Variants in MAF observed in about 807,000 individuals in gnomAD.
MAF encodes transcription factor Maf.
In MAF, 10 loss-of-function variants were observed where a neutral mutation model predicts 22.0. The ratio of observed to expected loss-of-function variants is 0.45; its 90% confidence interval spans 0.28 to 0.77. The LOEUF is 0.77. MAF is among the 30% of genes least tolerant of loss of function. MAF has a pLI of 0.12. For synonymous variants in MAF, 337 were observed against 255.8 expected, an observed-to-expected ratio of 1.32 and a Z score of -3.03; for missense variants, 544 against 548.4, an observed-to-expected ratio of 0.99 and a Z score of 0.08.
the MAF span, among the ~76,000 whole-genome samples, chr16:79,568,857 G>A: frequency 6.6e-6 from 1 of 152,066 alleles, no homozygotes; most frequent in South Asian, 2.1e-4. Flanking sequence ...GCACTTCTAG[G>A]GGCTTTACGT....
At chr16:79,288,699 G>A in the MAF span, among the ~76,000 whole-genome samples, 10 of 152,136 alleles carry the variant, frequency 6.6e-5, no homozygotes, top group Non-Finnish European at 1.5e-4. Flanking sequence ...GGAAAGGAAG[G>A]ACATTCCAGG....
At chr16:79,488,734 T>C in the MAF span, among the ~76,000 whole-genome samples, 4 of 152,300 alleles carry the variant, frequency 2.6e-5, no homozygotes, top group East Asian at 7.7e-4. Context: ...TCTTGCTATG[T>C]CAGAGGCACC....
At chr16:79,448,345 G>A in the MAF span, among the ~76,000 whole-genome samples, 1 of 150,736 alleles carries the variant, frequency 6.6e-6, no homozygotes, top group African/African-American at 2.4e-5. Flanking sequence ...AAAAAAGATT[G>A]TGACTTTCTG....
At chr16:79,333,033 G>A in the MAF span, among the ~76,000 whole-genome samples, 1 of 152,224 alleles carries the variant, frequency 6.6e-6, no homozygotes, top group Non-Finnish European at 1.5e-5. Context: ...CTCCCCCAGT[G>A]CTAGGTGGAT....
chr16:79,224,563 T>A, the MAF span, among the ~76,000 whole-genome samples: 1 of 152,088 alleles, frequency 6.6e-6, no homozygotes, highest in Non-Finnish European at 1.5e-5. Flanking sequence ...AAAAAGGAAG[T>A]CAAATTGTCT....
the MAF span, among the ~76,000 whole-genome samples, chr16:79,571,470 A>G: frequency 0.24 from 36,353 of 151,338 alleles, 5,140 homozygotes; most frequent in Non-Finnish European, 0.33. Context: ...CCACCACTCC[A>G]TAATTCTTTC....
the MAF span, among the ~76,000 whole-genome samples, chr16:79,390,009 A>G: frequency 6.6e-6 from 1 of 151,028 alleles, no homozygotes; most frequent in Non-Finnish European, 1.5e-5. Context: ...AAAAATTAAA[A>G]TAAAAAAAAA....
chr16:79,517,116 T>C, the MAF span, among the ~76,000 whole-genome samples: 3 of 152,150 alleles, frequency 2.0e-5, no homozygotes, highest in Admixed American at 2.0e-4. Context: ...ACCAGCCAGG[T>C]GTTTATCTTT....
the MAF span, among the ~76,000 whole-genome samples, chr16:79,472,114 G>C: frequency 6.6e-6 from 1 of 152,052 alleles, no homozygotes; most frequent in South Asian, 2.1e-4. Flanking sequence ...CCATATGTAA[G>C]CATCTAGATC....
chr16:79,229,698 C>G, the MAF span, among the ~76,000 whole-genome samples: 1 of 152,028 alleles, frequency 6.6e-6, no homozygotes, highest in African/African-American at 2.4e-5. Context: ...GCTGGCTCCT[C>G]GTTGAGCTAT....
the MAF span, among the ~76,000 whole-genome samples, chr16:79,509,190 G>C: frequency 6.6e-6 from 1 of 152,144 alleles, no homozygotes; most frequent in Non-Finnish European, 1.5e-5. Flanking sequence ...TCCGAGGCGT[G>C]GTAGCAAACC....
At chr16:79,211,749 C>A in the MAF span, 1 of 1,614,214 alleles carries the variant, frequency 6.2e-7, no homozygotes, top group Non-Finnish European at 8.5e-7. Context: ...CCTGTGGGCG[C>A]TCAGCGAGAG....
At chr16:79,569,840 G>A in the MAF span, among the ~76,000 whole-genome samples, 8 of 152,104 alleles carry the variant, frequency 5.3e-5, no homozygotes, top group South Asian at 2.1e-4. Flanking sequence ...AGCTGTCCCC[G>A]GCTCTTAGGG....
At chr16:79,555,520 G>A in the MAF span, among the ~76,000 whole-genome samples, 1 of 151,572 alleles carries the variant, frequency 6.6e-6, no homozygotes, top group Non-Finnish European at 1.5e-5. Context: ...AGCTACCAAT[G>A]TAAAATTATT....
chr16:79,459,487 T>G, the MAF span, among the ~76,000 whole-genome samples: 1 of 152,202 alleles, frequency 6.6e-6, no homozygotes, highest in Non-Finnish European at 1.5e-5. Context: ...ATGCTGTTTT[T>G]CTATCGTAAG....
the MAF span, among the ~76,000 whole-genome samples, chr16:79,484,044 G>T: frequency 6.6e-6 from 1 of 152,142 alleles, no homozygotes; most frequent in Non-Finnish European, 1.5e-5. Context: ...GCAACCAGCA[G>T]GTGCCAGGTA....
chr16:79,466,117 C>G, the MAF span, among the ~76,000 whole-genome samples: 2 of 152,188 alleles, frequency 1.3e-5, no homozygotes, highest in Non-Finnish European at 2.9e-5. Flanking sequence ...GATCTCCAGA[C>G]AAGTCCAGCC....
At chr16:79,317,899 TATTC>T in the MAF span, among the ~76,000 whole-genome samples, 103 of 140,074 alleles carry the variant, frequency 7.4e-4, no homozygotes, top group African/African-American at 2.6e-3. Flanking sequence ...GGGTAGCTTG[TATTC>T]ATTCATTCAT....
downstream of MAF, among the ~76,000 whole-genome samples, chr16:79,583,468 C>A (rs1912650924): frequency 6.6e-6 from 1 of 152,132 alleles, no homozygotes; most frequent in Non-Finnish European, 1.5e-5. Context: ...GGGCCTCTCC[C>A]CTAGGTAAGT....
Sources: gnomAD v4.1 joint callset for allele counts (sites outside exome capture counted in the v4.1 genomes callset) on GRCh38, gnomAD v4.1.1 for gene constraint, MANE v1.5 for transcripts, NCBI Gene and HGNC (gene_info 2026-07-23, HGNC 2026-07-21) for gene names.